The following EMC2 variants were observed in gnomAD, a reference collection of about 807,000 sequenced individuals.
The protein encoded by EMC2 is ER membrane protein complex subunit 2.
EMC2 carries 37 observed loss-of-function variants against 51.6 expected under a neutral mutation model. The observed-to-expected ratio is 0.72, with a 90% CI of 0.55 to 0.94. The LOEUF (loss-of-function observed/expected upper bound fraction) is 0.94, where lower values mean the gene tolerates loss of function less well. Ranked by LOEUF, EMC2 falls within the 40% of genes least tolerant of loss-of-function variation. The pLI, the probability that EMC2 is intolerant of heterozygous loss-of-function variation, is 0.00. For synonymous variants in EMC2, 131 were observed against 112.4 expected, an observed-to-expected ratio of 1.17 and a Z score of -1.04; for missense variants, 359 against 350.9, an observed-to-expected ratio of 1.02 and a Z score of -0.18.
Position 108,478,993 on chromosome 8 carries a change from T to C in EMC2, c.703-13T>C. 6.6e-7 allele frequency: 1 copy of C among 1,510,764 alleles called. No homozygotes were observed. Among genetic ancestry groups the C allele is most frequent in the Non-Finnish European group, 8.9e-7 (1 of 1,121,434 alleles). 93.6% of individuals were successfully genotyped at this position (1,510,764 alleles called of 1,614,324 possible). ...AAAGGAATTTTGCTTTTGATGTTTTTATTTGTTTTTAGTCGGCAAGTCATA... is the reference window on the plus strand; with the variant it reads ...AAAGGAATTTTGCTTTTGATGTTTTCATTTGTTTTTAGTCGGCAAGTCATA... On this transcript the variant is annotated splice_polypyrimidine_tract_variant and intron_variant, in intron 9 of 10. Transcript: ENST00000220853.
At chr8:108,469,445 AT>A (rs984724715) in intron 5 of EMC2, among the ~76,000 whole-genome samples, 34 of 152,078 alleles carry the variant, frequency 2.2e-4, no homozygotes, top group African/African-American at 8.2e-4. Context: ...CCATGGTGAG[AT>A]TTTTTTTCCC....
chr8:108,449,807 A>G lies in EMC2; in HGVS notation c.41-16A>G. The G allele has an allele frequency of 1.7e-6, 2 of 1,179,462 alleles. No homozygotes were observed. The highest frequency in any genetic ancestry group is 2.4e-5 in the East Asian group (1 of 42,170). The allele number at this position is 1,179,462 out of a possible 1,614,324, so 73.1% of individuals were successfully genotyped here. On this transcript the variant is annotated splice_polypyrimidine_tract_variant and intron_variant, in intron 1 of 10. Transcript: ENST00000220853. Reference sequence around the variant, plus strand: ...CTGGGTACATATACACTTAAATGTCATGTTATTTTTTTCAGAAATGAGAGA... The same window carrying G: ...CTGGGTACATATACACTTAAATGTCGTGTTATTTTTTTCAGAAATGAGAGA...
rs367830403 is a variant in EMC2 at position 108,482,360 on chromosome 8, G to A, written c.807+3250G>A. On this transcript the variant is annotated intron_variant, in intron 10 of 10. Coordinates refer to ENST00000220853, the MANE Select transcript of EMC2 (RefSeq NM_014673.5). ...TTTAGTTATATGTATAAGCAAATATGTATAACTTCTTACTTTTTTGCTCAT... is the reference window on the plus strand; with the variant it reads ...TTTAGTTATATGTATAAGCAAATATATATAACTTCTTACTTTTTTGCTCAT... 2.4e-3 allele frequency among the ~76,000 whole-genome samples: 371 copies of A among 152,206 alleles called. 1 individual carries two copies. The highest frequency in any genetic ancestry group is 8.5e-3 in the African/African-American group (354 of 41,534).
chr8:108,462,341 T>C (rs1376363098), intron 5 of EMC2, among the ~76,000 whole-genome samples: 1 of 152,068 alleles, frequency 6.6e-6, no homozygotes, highest in Non-Finnish European at 1.5e-5. Context: ...TCCTGTTGAG[T>C]AGGATTGCAT....
intron 7 of EMC2, among the ~76,000 whole-genome samples, chr8:108,471,647 G>A (rs1029151291): frequency 2.0e-5 from 3 of 151,790 alleles, no homozygotes; most frequent in Non-Finnish European, 2.9e-5. Flanking sequence ...AATCTACAGT[G>A]TGTTTTGAAT....
At chr8:108,448,552 C>G (rs548727002) in intron 1 of EMC2, among the ~76,000 whole-genome samples, 20 of 152,298 alleles carry the variant, frequency 1.3e-4, no homozygotes, top group African/African-American at 4.8e-4. Flanking sequence ...TACACAAGCT[C>G]TCTTTCTTTG....
chr8:108,450,295 A>C, intron 2 of EMC2, 133 bp from the exon 3 acceptor site: 1 of 649,554 alleles, frequency 1.5e-6, no homozygotes, highest in Admixed American at 2.7e-5. Flanking sequence ...TTAGTTTCAG[A>C]GATAATACAA....
chr8:108,486,637 A>G lies in EMC2; in HGVS notation c.*39A>G, dbSNP rs1811146201. 5 of 1,552,676 alleles carry G rather than the reference A, an allele frequency of 3.2e-6. No individual in the cohort carries two copies. Among genetic ancestry groups the G allele is most frequent in the African/African-American group, 1.4e-5 (1 of 72,018 alleles). On this transcript the variant is annotated 3_prime_UTR_variant, in exon 11 of 11. Coordinates refer to ENST00000220853, the MANE Select transcript of EMC2 (RefSeq NM_014673.5). ...CTTTGACATTAGATTTCACAACTGC[A>G]CAATTGAACTTATTGGCCTGTAACT...
intron 4 of EMC2, 75 bp downstream of exon 4, chr8:108,453,222 A>T: frequency 1.3e-6 from 1 of 756,574 alleles, no homozygotes; most frequent in South Asian, 1.8e-5. Flanking sequence ...TTTTTAATTC[A>T]GACATTCTAG....
rs1335994175 is a variant in EMC2 at position 108,443,850 on chromosome 8, G to C, written c.40+152G>C. ...CCAAGCTGAGGTGGAGGCTGAGGCT[G>C]ACCCTTCCCTTGGCCCGGACGCGTA... On this transcript the variant is annotated intron_variant, in intron 1 of 10. Coordinates refer to ENST00000220853, the MANE Select transcript of EMC2 (RefSeq NM_014673.5). The C allele has an allele frequency of 1.0e-5, 7 of 670,878 alleles. No individual in the cohort carries two copies. The African/African-American group carries it at 1.3e-4, about 12-fold the overall frequency. The allele number at this position is 670,878 out of a possible 1,614,324, so 41.6% of individuals were successfully genotyped here.
chr8:108,466,435 T>C (rs1473273833), intron 5 of EMC2, among the ~76,000 whole-genome samples: 2 of 145,360 alleles, frequency 1.4e-5, no homozygotes, highest in Non-Finnish European at 3.0e-5. Context: ...AAGGAAGCTA[T>C]GATAGAATTT....
chr8:108,453,518 G>A (rs1187229757), intron 4 of EMC2, among the ~76,000 whole-genome samples: 1 of 151,516 alleles, frequency 6.6e-6, no homozygotes, highest in African/African-American at 2.4e-5. Context: ...GCCTTGTGAA[G>A]TTTTTAGTTC....
rs1238374021 is a variant in EMC2 at position 108,482,396 on chromosome 8, TGAATA to T, written c.807+3290_807+3294del. Among the ~76,000 whole-genome samples the T allele has an allele frequency of 2.0e-5, 3 of 152,280 alleles. No individual in the cohort carries two copies. In the East Asian group the frequency reaches 5.8e-4, roughly 29 times the overall value. ...TACTTTTTTGCTCATATGATCTTGATGAATAGAAGTTCTGAAATGAAATGTGTTCG... is the reference window on the plus strand; with the variant it reads ...TACTTTTTTGCTCATATGATCTTGATGAAGTTCTGAAATGAAATGTGTTCG... On this transcript the variant is annotated intron_variant, in intron 10 of 10. Coordinates refer to ENST00000220853, the MANE Select transcript of EMC2 (RefSeq NM_014673.5).
intron 7 of EMC2, chr8:108,470,955 A>G (rs528352332): frequency 6.6e-5 from 10 of 152,012 alleles, no homozygotes; most frequent in Non-Finnish European, 1.0e-4. Context: ...ACATTTGTCT[A>G]TTGTCTGTGG....
chr8:108,443,794 C>G (rs1425433046), intron 1 of EMC2, 96 bp downstream of exon 1: 1 of 1,093,632 alleles, frequency 9.1e-7, no homozygotes, highest in Non-Finnish European at 1.4e-6. Context: ...TCTCTGGTGT[C>G]TTTTTGGTAC....
intron 10 of EMC2, among the ~76,000 whole-genome samples, chr8:108,485,286 T>TA (rs2130422934): frequency 6.6e-6 from 1 of 151,554 alleles, no homozygotes; most frequent in African/African-American, 2.4e-5. Flanking sequence ...ACAGCATTGT[T>TA]ACTTGAAGAA....
intron 5 of EMC2, among the ~76,000 whole-genome samples, chr8:108,469,430 C>T (rs1322811375): frequency 6.6e-6 from 1 of 152,054 alleles, no homozygotes; most frequent in Non-Finnish European, 1.5e-5. Flanking sequence ...TATTCAAAGG[C>T]CATGCCATGG....
At chr8:108,457,354 G>GTA (rs1214886305) in intron 5 of EMC2, among the ~76,000 whole-genome samples, 1 of 133,966 alleles carries the variant, frequency 7.5e-6, no homozygotes. Context: ...GTGTGTGTGT[G>GTA]TGTGTGTGTG....
chr8:108,455,190 A>G (rs371257475), intron 4 of EMC2, among the ~76,000 whole-genome samples: 2 of 151,938 alleles, frequency 1.3e-5, no homozygotes, highest in East Asian at 3.9e-4. Context: ...GTATTCCATT[A>G]CATATATATG....
Sources: gnomAD v4.1 joint callset for allele counts (sites outside exome capture counted in the v4.1 genomes callset) on GRCh38, gnomAD v4.1.1 for gene constraint, MANE v1.5 for transcripts, NCBI Gene and HGNC (gene_info 2026-07-23, HGNC 2026-07-21) for gene names.